Variants in OLFML3 observed in about 807,000 individuals in gnomAD.
OLFML3 encodes olfactomedin like 3, also known as olfactomedin-like protein 3.
Under a neutral mutation model 36.0 loss-of-function variants are expected in OLFML3, and 26 were observed. The observed-to-expected ratio is 0.72, with a 90% CI of 0.53 to 1.00. The LOEUF is 1.00. Among genes scored for constraint, OLFML3 ranks in the 50% least tolerant of loss-of-function variants. The pLI is 0.00. For synonymous variants in OLFML3, 184 were observed against 201.2 expected (o/e 0.91, Z 0.72); for missense variants, 503 against 519.4 (o/e 0.97, Z 0.31).
Position 113,981,493 on chromosome 1 carries a change from A to G in OLFML3, c.945A>G (p.Pro315=). 4.3e-6 allele frequency: 7 copies of G among 1,614,070 alleles called. No homozygotes were observed. Among genetic ancestry groups the G allele is most frequent in the Non-Finnish European group, 5.9e-6 (7 of 1,179,980 alleles). Reference sequence around the variant, plus strand: ...ACACAGAGCAGCAGTGGGACACACCATGTCCCAGAGAGAATGCTGAGGCTG... The same window carrying G: ...ACACAGAGCAGCAGTGGGACACACCGTGTCCCAGAGAGAATGCTGAGGCTG... The part of the protein sequence containing the change: ...TLDTEQQWDT[P]CPRENAEAAF... The change falls in exon 3 of 3, where the codon CCA becomes CCG. Residue 315 remains proline (P), a synonymous_variant. Coordinates refer to ENST00000320334, the MANE Select transcript of OLFML3 (RefSeq NM_020190.5).
intron 1 of OLFML3, 147 bp downstream of exon 1, chr1:113,979,777 G>A: frequency 1.2e-6 from 1 of 829,042 alleles, no homozygotes; most frequent in South Asian, 1.8e-5. Context: ...CCTTCGGAAT[G>A]ACAAGCCCTC....
chr1:113,980,033 C>T, intron 1 of OLFML3: 5 of 1,529,598 alleles, frequency 3.3e-6, no homozygotes, highest in Admixed American at 2.1e-5. Context: ...GCAGAGACCT[C>T]TTCACACCTT....
In OLFML3 at chr1:113,981,921, C is replaced by T. The variant is rs1487097244; in HGVS notation, c.*152C>T. 1 of 696,734 alleles carries T rather than the reference C, an allele frequency of 1.4e-6. No individual in the cohort carries two copies. Among genetic ancestry groups the T allele is most frequent in the East Asian group, 2.7e-5 (1 of 37,204 alleles). The allele number at this position is 696,734 out of a possible 1,614,324, so 43.2% of individuals were successfully genotyped here. A position where few individuals can be genotyped will look rare whatever the true frequency, so the allele number is the denominator to read the frequency against. ...AATGGCAATCAAATTCTTTCAGCTC[C>T]TTTGTTTCATACGGAACTCCAGATC... On this transcript the variant is annotated 3_prime_UTR_variant, in exon 3 of 3. Transcript: ENST00000320334.
At chr1:113,980,763 T>A (rs1192947840) in intron 2 of OLFML3, 146 bp downstream of exon 2, 2 of 1,060,780 alleles carry the variant, frequency 1.9e-6, no homozygotes, top group East Asian at 5.3e-5. Flanking sequence ...TAATGCCAGG[T>A]CTATTAAGGA....
At chr1:113,980,291 T>C in intron 1 of OLFML3, 41 bp from the exon 2 acceptor site, 1 of 1,527,284 alleles carries the variant, frequency 6.5e-7, no homozygotes, top group Non-Finnish European at 8.8e-7. Context: ...GCCTGGGAGT[T>C]GTAACCCTGC....
Position 113,981,584 on chromosome 1 carries a change from C to T in OLFML3, c.1036C>T (p.Gln346Ter). The T allele has an allele frequency of 6.2e-7, 1 of 1,614,138 alleles. No individual in the cohort carries two copies. Among genetic ancestry groups the T allele is most frequent in the South Asian group, 1.1e-5 (1 of 91,070 alleles). Reference sequence around the variant, plus strand: ...CCGTCCTGCCAGTCGGGCCCGCATCCAGTGCTCCTTTGATGCCAGCGGCAC... The same window carrying T: ...CCGTCCTGCCAGTCGGGCCCGCATCTAGTGCTCCTTTGATGCCAGCGGCAC... ...NTRPASRARI[Q>*]CSFDASGTLT... The change falls in exon 3 of 3, where the codon CAG (glutamine) becomes TAG (stop). Residue 346 changes from glutamine (Q) to a stop codon, truncating the protein, a stop_gained. Transcript: ENST00000320334. LOFTEE classifies it high-confidence loss of function.
chr1:113,980,802 T>A (rs547876374), intron 2 of OLFML3, 147 bp from the exon 3 acceptor site: 1 of 989,270 alleles, frequency 1.0e-6, no homozygotes, highest in Non-Finnish European at 1.5e-6. Context: ...GCCGCTGTGG[T>A]ACCCGCTCTT....
At chr1:113,980,730 A>G (rs1363960163) in intron 2 of OLFML3, 113 bp downstream of exon 2, 1 of 1,278,028 alleles carries the variant, frequency 7.8e-7, no homozygotes, top group Non-Finnish European at 1.1e-6. Flanking sequence ...TGTCTTCTGG[A>G]ATCTGTTTTA....
In OLFML3 at chr1:113,980,568, T is replaced by C; in HGVS notation, c.351T>C (p.Pro117=). Reference sequence around the variant, plus strand: ...TTGATGAGAAGGTGACTGGAGGCCCTGGGACCAAAGGCAAGGGAAGAAGGA... The same window carrying C: ...TTGATGAGAAGGTGACTGGAGGCCCCGGGACCAAAGGCAAGGGAAGAAGGA... ...VEFDEKVTGG[P]GTKGKGRRNE... The change falls in exon 2 of 3, where the codon CCT becomes CCC. Residue 117 remains proline, a synonymous_variant. Transcript: ENST00000320334. The C allele has an allele frequency of 2.5e-6, 4 of 1,611,912 alleles. No individual in the cohort carries two copies. The South Asian group carries it at 4.4e-5, about 18-fold the overall frequency.
rs1385662468 is a variant in OLFML3, at chr1:113,980,305, C to T, written c.115-27C>T. 2.6e-6 allele frequency: 4 copies of T among 1,531,146 alleles called. No individual in the cohort carries two copies. In the Admixed American group the frequency reaches 6.2e-5, roughly 24 times the overall value. 94.8% of individuals were successfully genotyped at this position (1,531,146 alleles called of 1,614,324 possible). A position where few individuals can be genotyped will look rare whatever the true frequency, so the allele number is the denominator to read the frequency against. ...TGCCTGGGAGTTGTAACCCTGCAGC[C>T]TCCCTCCTGATCCCCCATCCCTTCA... On this transcript the variant is annotated intron_variant, in intron 1 of 2. Coordinates refer to ENST00000320334, the MANE Select transcript of OLFML3 (RefSeq NM_020190.5).
chr1:113,979,688 A>G (rs1227845467), intron 1 of OLFML3, 58 bp downstream of exon 1: 1 of 1,291,908 alleles, frequency 7.7e-7, no homozygotes, highest in Non-Finnish European at 1.1e-6. Context: ...CTATTGGTTC[A>G]ACCAGTTTGT....
chr1:113,979,911 A>C, intron 1 of OLFML3: 2 of 1,404,622 alleles, frequency 1.4e-6, no homozygotes, highest in Non-Finnish European at 1.9e-6. Flanking sequence ...TCTCCAGAGA[A>C]GGTGATGATT....
In OLFML3 at chr1:113,981,203, C is replaced by G; in HGVS notation, c.655C>G (p.Leu219Val). 6.2e-7 allele frequency: 1 copy of G among 1,614,180 alleles called. No homozygotes were observed. The highest frequency in any genetic ancestry group is 1.1e-5 in the South Asian group (1 of 91,078). The change falls in exon 3 of 3, where the codon CTT (leucine) becomes GTT (valine). Residue 219 changes from leucine (L) to valine (V), a missense_variant. By Grantham distance (32) the Leu-to-Val change is conservative. Transcript: ENST00000320334. ...AGGGCAGCTGGTATATGGTGGCTTT[C>G]TTTATTTTGCTCGGAGGCCTCCTGG... is the stretch of plus-strand genomic sequence containing the variant. ...GTGQLVYGGF[L>V]YFARRPPGRP...
intron 1 of OLFML3, chr1:113,980,024 C>A (rs749535258): frequency 2.1e-5 from 32 of 1,510,942 alleles, no homozygotes; most frequent in Non-Finnish European, 2.8e-5. Flanking sequence ...GCTAAGGGAG[C>A]AGAGACCTCT....
rs775591436 is a variant in OLFML3, at chr1:113,979,634, A to C, written c.114+4A>C. On this transcript the variant is annotated splice_donor_region_variant and intron_variant, in intron 1 of 2. Coordinates refer to ENST00000320334, the MANE Select transcript of OLFML3 (RefSeq NM_020190.5). ...ACGCCGACTAGCTGCTTTAGAGGTG[A>C]GGGACCCCTTTCTCTTCTAGCCCCG... 2.5e-6 allele frequency: 4 copies of C among 1,598,106 alleles called. No individual in the cohort carries two copies. Among genetic ancestry groups the C allele is most frequent in the Non-Finnish European group, 3.4e-6 (4 of 1,165,450 alleles).
intron 1 of OLFML3, 124 bp downstream of exon 1, chr1:113,979,754 CTT>C (rs1673336579): frequency 8.2e-6 from 7 of 849,382 alleles, no homozygotes; most frequent in Non-Finnish European, 1.8e-6. Flanking sequence ...AAAATTCTCT[CTT>C]AATAAGAGGA....
chr1:113,980,548 G>A lies in OLFML3; in HGVS notation c.331G>A (p.Glu111Lys), dbSNP rs1406570975. 1 of 1,613,920 alleles carries A rather than the reference G, an allele frequency of 6.2e-7. No individual in the cohort carries two copies. Among genetic ancestry groups the A allele is most frequent in the Non-Finnish European group, 8.5e-7 (1 of 1,179,922 alleles). ...NPALPCVEFDEKVTGGPGTKG... is the reference protein window; with the variant it reads ...NPALPCVEFDKKVTGGPGTKG... The stretch of plus-strand genomic sequence containing the variant: ...AGCTCTGCCCTGTGTAGAGTTTGAT[G>A]AGAAGGTGACTGGAGGCCCTGGGAC... Residue 111 changes from glutamate to lysine, a missense_variant, in exon 2 of 3, where the codon GAG (glutamate) becomes AAG (lysine). Glu to Lys is a moderately conservative substitution (Grantham distance 56). Transcript: ENST00000320334.
At chr1:113,980,198 T>A (rs1168452107) in intron 1 of OLFML3, 134 bp from the exon 2 acceptor site, 9 of 1,517,856 alleles carry the variant, frequency 5.9e-6, no homozygotes, top group Non-Finnish European at 8.0e-6. Flanking sequence ...TTTCCTTTTC[T>A]GCAGGAGTGG....
At position 113,979,825 on chromosome 1, in the gene OLFML3, C is replaced by T. The variant is rs564126076; in HGVS notation, c.114+195C>T. On this transcript the variant is annotated intron_variant, in intron 1 of 2. Transcript: ENST00000320334. ...ATAGAACAATTCCAAAGCAAATCGA[C>T]TTTTGCGTTTTACCTCTGGGATTAG... The T allele has an allele frequency of 1.1e-5, 11 of 990,418 alleles. No individual in the cohort carries two copies. In the African/African-American group the frequency reaches 1.8e-4, roughly 16 times the overall value. 61.4% of individuals were successfully genotyped at this position (990,418 alleles called of 1,614,324 possible).
Sources: allele counts gnomAD v4.1 joint callset, GRCh38; gene constraint gnomAD v4.1.1; transcripts MANE v1.5; gene names NCBI Gene and HGNC (gene_info 2026-07-23, HGNC 2026-07-21).